BLTP3B: variants seen among roughly 807,000 people sequenced by gnomAD.
The protein encoded by BLTP3B is bridge-like lipid transfer protein family member 3B, also known as UHRF1 (ICBP90) binding protein 1-like.
chr12:100,037,194 A>T, the BLTP3B span: 1 of 933,218 alleles, frequency 1.1e-6, no homozygotes, highest in Non-Finnish European at 1.3e-6. Flanking sequence ...TTTTCATTTT[A>T]CATTAGTCAT....
chr12:100,124,446 T>TA, the BLTP3B span, among the ~76,000 whole-genome samples: 4 of 148,416 alleles, frequency 2.7e-5, no homozygotes, highest in African/African-American at 5.0e-5. Context: ...TACAAAATAT[T>TA]AAAAAAAATA....
the BLTP3B span, among the ~76,000 whole-genome samples, chr12:100,090,446 TATA>T: frequency 2.6e-5 from 4 of 152,180 alleles, no homozygotes; most frequent in South Asian, 2.1e-4. Context: ...GATGAATTTT[TATA>T]ATAATTATAA....
At chr12:100,064,065 T>G in the BLTP3B span, among the ~76,000 whole-genome samples, 67 of 152,138 alleles carry the variant, frequency 4.4e-4, 1 homozygote, top group African/African-American at 1.6e-3. Flanking sequence ...AGAAGAAATA[T>G]TCAAGGAAAT....
chr12:100,047,025 T>C, the BLTP3B span, among the ~76,000 whole-genome samples: 1,884 of 151,872 alleles, frequency 0.012, 39 homozygotes, highest in African/African-American at 0.041. Context: ...ATATATGAGG[T>C]TTTTTCCAGG....
At chr12:100,074,580 C>T in the BLTP3B span, among the ~76,000 whole-genome samples, 1 of 135,416 alleles carries the variant, frequency 7.4e-6, no homozygotes, top group Non-Finnish European at 1.5e-5. Context: ...GGCAACAGAA[C>T]AAGACTCTGT....
At chr12:100,053,371 G>A in the BLTP3B span, among the ~76,000 whole-genome samples, 24 of 152,032 alleles carry the variant, frequency 1.6e-4, 1 homozygote, top group East Asian at 1.4e-3. Context: ...TCACACCACC[G>A]CACTCCAACC....
the BLTP3B span, among the ~76,000 whole-genome samples, chr12:100,102,350 A>T: frequency 6.6e-6 from 1 of 151,266 alleles, no homozygotes; most frequent in Non-Finnish European, 1.5e-5. Flanking sequence ...GAGTCCAGGG[A>T]ATCCACCCGC....
chr12:100,097,266 T>C, the BLTP3B span: 1 of 1,289,190 alleles, frequency 7.8e-7, no homozygotes, highest in East Asian at 2.6e-5. Flanking sequence ...TAAGACATTG[T>C]TTAAAATTTC....
chr12:100,073,601 T>G, the BLTP3B span, among the ~76,000 whole-genome samples: 1 of 151,998 alleles, frequency 6.6e-6, no homozygotes, highest in Non-Finnish European at 1.5e-5. Flanking sequence ...ATAATTATTA[T>G]TGTAAATTCA....
chr12:100,058,904 A>T, the BLTP3B span: 4 of 1,613,992 alleles, frequency 2.5e-6, no homozygotes, highest in African/African-American at 5.3e-5. Flanking sequence ...TGAAAAATGT[A>T]TCTGATGAAG....
At chr12:100,052,541 C>T in the BLTP3B span, among the ~76,000 whole-genome samples, 2 of 151,992 alleles carry the variant, frequency 1.3e-5, no homozygotes, top group South Asian at 2.1e-4. Flanking sequence ...ACAGGTACAA[C>T]AGACTGAGAT....
At chr12:100,047,867 G>A in the BLTP3B span, 4 of 1,252,764 alleles carry the variant, frequency 3.2e-6, no homozygotes, top group African/African-American at 6.1e-5. Context: ...TTATAGAGAA[G>A]GCACATTCTT....
At chr12:100,067,858 C>T in the BLTP3B span, among the ~76,000 whole-genome samples, 6 of 152,092 alleles carry the variant, frequency 3.9e-5, no homozygotes, top group African/African-American at 1.4e-4. Flanking sequence ...ACGACACAAA[C>T]GAATGGAAAC....
the BLTP3B span, among the ~76,000 whole-genome samples, chr12:100,038,845 A>T: frequency 2.6e-5 from 4 of 152,222 alleles, no homozygotes; most frequent in South Asian, 8.3e-4. Context: ...ATATGCAGTT[A>T]ATTTCAAATA....
the BLTP3B span, among the ~76,000 whole-genome samples, chr12:100,109,168 CTCTCTCTCTCTCT>C: frequency 5.0e-4 from 31 of 62,168 alleles, no homozygotes; most frequent in African/African-American, 2.8e-3. Flanking sequence ...TCCTCTCTCT[CTCTCTCTCTCTCT>C]CTCTCTCTCT....
the BLTP3B span, among the ~76,000 whole-genome samples, chr12:100,080,917 G>GGAAGGTGACTGAATTATGATT: frequency 6.6e-6 from 1 of 152,218 alleles, no homozygotes; most frequent in Non-Finnish European, 1.5e-5. Context: ...GGAAGCTGGT[G>GGAAGGTGACTGAATTATGATT]GAAGGTGACT....
chr12:100,125,543 G>A, the BLTP3B span, among the ~76,000 whole-genome samples: 13,472 of 152,024 alleles, frequency 0.089, 832 homozygotes, highest in African/African-American at 0.16. Flanking sequence ...AACTACTTGG[G>A]AGGGTAAGGC....
chr12:100,130,961 T>TATATAGAG, the BLTP3B span, among the ~76,000 whole-genome samples: 2 of 93,588 alleles, frequency 2.1e-5, no homozygotes, highest in Non-Finnish European at 4.3e-5. Context: ...TATATATATA[T>TATATAGAG]AGAGAGAGAG....
At chr12:100,099,274 G>A in the BLTP3B span, among the ~76,000 whole-genome samples, 7 of 151,306 alleles carry the variant, frequency 4.6e-5, no homozygotes, top group Non-Finnish European at 8.8e-5. Context: ...GATTACAGGC[G>A]TGAGCCACCA....
Sources: allele counts gnomAD v4.1 joint callset (sites outside exome capture counted in the v4.1 genomes callset), GRCh38; gene constraint gnomAD v4.1.1; transcripts MANE v1.5; gene names NCBI Gene and HGNC (gene_info 2026-07-23, HGNC 2026-07-21).